The following CHD5 variants were observed in gnomAD, a reference collection of about 807,000 sequenced individuals.
CHD5 encodes ATP-dependent chromatin remodeler CHD5.
In CHD5, 69 loss-of-function variants were observed where a neutral mutation model predicts 230.3. The observed-to-expected ratio is 0.30, with a 90% CI of 0.25 to 0.37. The LOEUF is 0.37. CHD5 is among the 10% of genes least tolerant of loss of function. The probability of loss-of-function intolerance (pLI) is 1.00; values close to 1 mark genes in which losing one functional copy is unlikely to be tolerated. For synonymous variants in CHD5, 1,064 were observed against 1,065.9 expected (o/e 1.00, Z 0.03); for missense variants, 1,827 against 2,622.8 (o/e 0.70, Z 6.63).
At chr1:6,165,473 G>A (rs1290923375) in intron 2 of CHD5, among the ~76,000 whole-genome samples, 1 of 152,200 alleles carries the variant, frequency 6.6e-6, no homozygotes, top group Non-Finnish European at 1.5e-5. Context: ...CTAAGTCAGA[G>A]GAGGTGGGCA....
Position 6,131,662 on chromosome 1 carries a change from G to A in CHD5, c.3231C>T (p.Gly1077=). 6.2e-7 allele frequency: 1 copy of A among 1,611,844 alleles called. No individual in the cohort carries two copies. The highest frequency in any genetic ancestry group is 8.5e-7 in the Non-Finnish European group (1 of 1,178,004). Reference sequence around the variant, plus strand: ...ATCTGTCGATTGCCTCCTGCCGGAGGCCCCCGGTGATGCCACCATCAATCC... The same window carrying A: ...ATCTGTCGATTGCCTCCTGCCGGAGACCCCCGGTGATGCCACCATCAATCC... ...YERIDGGITG[G]LRQEAIDRFN... The change falls in exon 21 of 42, where the codon GGC becomes GGT. Residue 1077 remains glycine, a synonymous_variant. Transcript: ENST00000262450. This position sits in a 1 kb window ranked among gnomAD's most constrained non-coding sequence, Gnocchi z 5.0.
Position 6,126,969 on chromosome 1 carries a change from C to T in CHD5, c.3904-223G>A. On this transcript the variant is annotated intron_variant, in intron 25 of 41. Transcript: ENST00000262450. The surrounding 1 kb of genome is among the most constrained non-coding windows in gnomAD (Gnocchi z 5.7). ...ATTTACTTATTCATCCATCCATTCACAAAGCAAGTATTTCCTCGCCTCCTG... is the reference window on the plus strand; with the variant it reads ...ATTTACTTATTCATCCATCCATTCATAAAGCAAGTATTTCCTCGCCTCCTG... The T allele has an allele frequency of 1.7e-6, 1 of 581,570 alleles. No homozygotes were observed. Among genetic ancestry groups the T allele is most frequent in the South Asian group, 2.1e-5 (1 of 48,472 alleles). 36.0% of individuals were successfully genotyped at this position (581,570 alleles called of 1,614,324 possible). A position where few individuals can be genotyped will look rare whatever the true frequency, so the allele number is the denominator to read the frequency against.
Position 6,125,315 on chromosome 1 carries a change from A to T in CHD5, c.4261-82T>A. 7.2e-7 allele frequency: 1 copy of T among 1,395,634 alleles called. No homozygotes were observed. The highest frequency in any genetic ancestry group is 9.7e-7 in the Non-Finnish European group (1 of 1,028,210). The allele number at this position is 1,395,634 out of a possible 1,614,324, so 86.5% of individuals were successfully genotyped here. On this transcript the variant is annotated intron_variant, in intron 28 of 41. Transcript: ENST00000262450. The surrounding 1 kb of genome is among the most constrained non-coding windows in gnomAD (Gnocchi z 6.7). Reference sequence around the variant, plus strand: ...GATTCTGGGATGGGGGAAGAAAAGCATGGGAGGAGGAGAAGGTAGGAAGGG... The same window carrying T: ...GATTCTGGGATGGGGGAAGAAAAGCTTGGGAGGAGGAGAAGGTAGGAAGGG...
chr1:6,142,604 GGCT>G lies in CHD5; in HGVS notation c.2044-2_2044del, dbSNP rs1557550724. 1 of 1,609,774 alleles carries G rather than the reference GGCT, an allele frequency of 6.2e-7. No homozygotes were observed. The highest frequency in any genetic ancestry group is 8.5e-7 in the Non-Finnish European group (1 of 1,177,788). ...TGGCTGCTTGTCGAACTTGACCGTGGGCTGCAGGGGAGGCAGCGGTTCAGACAC... is the reference window on the plus strand; with the variant it reads ...TGGCTGCTTGTCGAACTTGACCGTGGGCAGGGGAGGCAGCGGTTCAGACAC... On this transcript the variant is annotated splice_acceptor_variant and coding_sequence_variant, in exon 14 of 42. Coordinates refer to ENST00000262450, the MANE Select transcript of CHD5 (RefSeq NM_015557.3). LOFTEE classifies it high-confidence loss of function. This position sits in a 1 kb window ranked among gnomAD's most constrained non-coding sequence, Gnocchi z 5.2.
At position 6,128,454 on chromosome 1, in the gene CHD5, A is replaced by C. The variant is rs1260889935; in HGVS notation, c.3730+45T>G. 1.4e-6 allele frequency: 2 copies of C among 1,480,800 alleles called. No individual in the cohort carries two copies. The highest frequency in any genetic ancestry group is 1.9e-6 in the Non-Finnish European group (2 of 1,062,298). 91.7% of individuals were successfully genotyped at this position (1,480,800 alleles called of 1,614,324 possible). A position where few individuals can be genotyped will look rare whatever the true frequency, so the allele number is the denominator to read the frequency against. On this transcript the variant is annotated intron_variant, in intron 24 of 41. Coordinates refer to ENST00000262450, the MANE Select transcript of CHD5 (RefSeq NM_015557.3). This position sits in a 1 kb window ranked among gnomAD's most constrained non-coding sequence, Gnocchi z 7.8. The stretch of plus-strand genomic sequence containing the variant: ...GAACCCCTCCTCTGCAGGAGCAGCC[A>C]CCTGGTCGGAGGAGGAGCTGAGGCT...
Position 6,176,052 on chromosome 1 carries a change from T to C in CHD5, c.79+3893A>G, listed in dbSNP as rs75827541. 6.9e-3 allele frequency among the ~76,000 whole-genome samples: 1,050 copies of C among 152,212 alleles called. 12 individuals carry two copies. The highest frequency in any genetic ancestry group is 0.023 in the African/African-American group (957 of 41,506). ...GCGACTGAATGAACTGATAAAATGA[T>C]AGATGGATCCTATTACCTGATCAAC... On this transcript the variant is annotated intron_variant, in intron 1 of 41. Coordinates refer to ENST00000262450, the MANE Select transcript of CHD5 (RefSeq NM_015557.3).
chr1:6,106,695 A>AC lies in CHD5; in HGVS notation c.5662dup (p.Val1888GlyfsTer116). 1 of 1,611,690 alleles carries AC rather than the reference A, an allele frequency of 6.2e-7. No homozygotes were observed. The highest frequency in any genetic ancestry group is 8.5e-7 in the Non-Finnish European group (1 of 1,179,678). ...CTCCGACATCTGCAGCCGGGCGGCC[A>AC]CCGGGGGGATGCGGGACAGCATGGA... On this transcript the variant is annotated frameshift_variant, in exon 39 of 42. Coordinates refer to ENST00000262450, the MANE Select transcript of CHD5 (RefSeq NM_015557.3). LOFTEE classifies it high-confidence loss of function.
In CHD5 at chr1:6,128,003, T is replaced by C; in HGVS notation, c.3903+43A>G. ...ACACAGTGGGGGGCGGGGCTGCGGA[T>C]GGAGGGCGGGGCTGCGGATGGAGGG... On this transcript the variant is annotated intron_variant, in intron 25 of 41. Transcript: ENST00000262450. The surrounding 1 kb of genome is among the most constrained non-coding windows in gnomAD (Gnocchi z 7.8). 8.1e-7 allele frequency: 1 copy of C among 1,232,278 alleles called. No homozygotes were observed. Among genetic ancestry groups the C allele is most frequent in the Non-Finnish European group, 1.1e-6 (1 of 952,036 alleles). The allele number at this position is 1,232,278 out of a possible 1,614,324, so 76.3% of individuals were successfully genotyped here.
At position 6,131,568 on chromosome 1, in the gene CHD5, C is replaced by A. The variant is rs1054984965; in HGVS notation, c.3262+63G>T. Reference sequence around the variant, plus strand: ...CCAGCTGGGTGACCTGGCTAAGAACCAGGCCTGGGAGAAGAGGCCAAAAAG... The same window carrying A: ...CCAGCTGGGTGACCTGGCTAAGAACAAGGCCTGGGAGAAGAGGCCAAAAAG... On this transcript the variant is annotated intron_variant, in intron 21 of 41. Transcript: ENST00000262450. This position sits in a 1 kb window ranked among gnomAD's most constrained non-coding sequence, Gnocchi z 5.0. The A allele has an allele frequency of 1.5e-5, 15 of 970,234 alleles. No individual in the cohort carries two copies. In the African/African-American group the frequency reaches 2.1e-4, roughly 13 times the overall value. The allele number at this position is 970,234 out of a possible 1,614,324, so 60.1% of individuals were successfully genotyped here.
chr1:6,153,464 A>G (rs1177905856), intron 5 of CHD5, among the ~76,000 whole-genome samples: 1 of 152,210 alleles, frequency 6.6e-6, no homozygotes, highest in African/African-American at 2.4e-5. Flanking sequence ...TGCCAGACAC[A>G]GAACCCCAGA....
chr1:6,159,798 C>G lies in CHD5; in HGVS notation c.208-283G>C, dbSNP rs186773742. On this transcript the variant is annotated intron_variant, in intron 2 of 41. Coordinates refer to ENST00000262450, the MANE Select transcript of CHD5 (RefSeq NM_015557.3). ...GAGGTGAGGCTCTCGTGAGAGCAGG[C>G]TTCTCCATCTGCAAGCTCGGCTCAG... 3.9e-3 allele frequency among the ~76,000 whole-genome samples: 591 copies of G among 152,368 alleles called. 6 individuals are homozygous for G. The highest frequency in any genetic ancestry group is 0.013 in the African/African-American group (544 of 41,586).
chr1:6,152,403 C>T lies in CHD5; in HGVS notation c.870+9G>A. 6.2e-7 allele frequency: 1 copy of T among 1,612,168 alleles called. No individual in the cohort carries two copies. The highest frequency in any genetic ancestry group is 8.5e-7 in the Non-Finnish European group (1 of 1,179,056). Reference sequence around the variant, plus strand: ...ATGCACACACACGCGCACACACGCACACACTCACCGAGGAGCCTTTCTTCC... The same window carrying T: ...ATGCACACACACGCGCACACACGCATACACTCACCGAGGAGCCTTTCTTCC... On this transcript the variant is annotated intron_variant, in intron 6 of 41. Coordinates refer to ENST00000262450, the MANE Select transcript of CHD5 (RefSeq NM_015557.3).
At chr1:6,163,533 T>G (rs1044762318) in intron 2 of CHD5, among the ~76,000 whole-genome samples, 12 of 152,204 alleles carry the variant, frequency 7.9e-5, no homozygotes, top group Admixed American at 6.5e-4. Context: ...GTGGTGTTTT[T>G]CCAAAATCTC....
chr1:6,112,961 C>T lies in CHD5; in HGVS notation c.4950G>A (p.Lys1650=), dbSNP rs757765090. The T allele has an allele frequency of 4.3e-6, 7 of 1,613,922 alleles. No individual in the cohort carries two copies. The highest frequency in any genetic ancestry group is 5.9e-6 in the Non-Finnish European group (7 of 1,179,948). Residue 1650 remains lysine, a synonymous_variant, in exon 34 of 42, where the codon AAG becomes AAA. Transcript: ENST00000262450. ...TGCTGTGGATCAAGCTCAGCTCCAG[C>T]TTGTCCAGGATCTTCTCCTTCTCAG... is the stretch of plus-strand genomic sequence containing the variant. ...VLPEKEKILD[K]LELSLIHSRG...
Position 6,121,491 on chromosome 1 carries a change from C to T in CHD5, c.4779+3G>A. The T allele has an allele frequency of 2.5e-6, 4 of 1,610,810 alleles. No individual in the cohort carries two copies. Among genetic ancestry groups the T allele is most frequent in the African/African-American group, 1.3e-5 (1 of 75,044 alleles). On this transcript the variant is annotated splice_donor_region_variant and intron_variant, in intron 32 of 41. Coordinates refer to ENST00000262450, the MANE Select transcript of CHD5 (RefSeq NM_015557.3). This position sits in a 1 kb window ranked among gnomAD's most constrained non-coding sequence, Gnocchi z 4.5. ...CAGGCCCAGACGCCAGCAAGTTCCA[C>T]ACCTGGACTTCCAGGGGCTGCCTTG... is the stretch of plus-strand genomic sequence containing the variant.
intron 1 of CHD5, among the ~76,000 whole-genome samples, chr1:6,177,611 C>T (rs1379435034): frequency 6.6e-6 from 1 of 152,084 alleles, no homozygotes; most frequent in East Asian, 1.9e-4. Context: ...GCTTGGGCAA[C>T]ACAGCAAGAC....
At chr1:6,147,448 G>A (rs1426490882) in intron 9 of CHD5, among the ~76,000 whole-genome samples, 1 of 152,236 alleles carries the variant, frequency 6.6e-6, no homozygotes, top group African/African-American at 2.4e-5. Flanking sequence ...CAGACACACT[G>A]CAGGGGCCCT....
rs535572731 is a variant in CHD5 at position 6,116,240 on chromosome 1, A to AAT, written c.4913-3244_4913-3243dup. Among the ~76,000 whole-genome samples the AAT allele has an allele frequency of 1.7e-3, 255 of 151,368 alleles. 4 individuals carry two copies. In the South Asian group the frequency reaches 0.031, roughly 18 times the overall value. Reference sequence around the variant, plus strand: ...AGCATCTGACACTCAGCAGGCTCAAAATATATATATATATGCATGTGTGTA... The same window carrying AAT: ...AGCATCTGACACTCAGCAGGCTCAAAATATATATATATATATGCATGTGTGTA... On this transcript the variant is annotated intron_variant, in intron 33 of 41. Transcript: ENST00000262450.
Position 6,129,195 on chromosome 1 carries a change from G to A in CHD5, c.3388-126C>T, listed in dbSNP as rs371463949. 9.0e-6 allele frequency: 6 copies of A among 666,662 alleles called. No individual in the cohort carries two copies. The highest frequency in any genetic ancestry group is 1.3e-5 in the Non-Finnish European group (5 of 386,512). 41.3% of individuals were successfully genotyped at this position (666,662 alleles called of 1,614,324 possible). ...CTGTGTAGGGAAAGGCGTGTGGTGC[G>A]TCCAGGTGTGTGGAGCCCACCACTG... On this transcript the variant is annotated intron_variant, in intron 22 of 41. Coordinates refer to ENST00000262450, the MANE Select transcript of CHD5 (RefSeq NM_015557.3). The surrounding 1 kb of genome is among the most constrained non-coding windows in gnomAD (Gnocchi z 6.8).
Sources: gnomAD v4.1 joint callset for allele counts (sites outside exome capture counted in the v4.1 genomes callset) on GRCh38, gnomAD v4.1.1 for gene constraint, Gnocchi (gnomAD v3.1) non-coding constraint, MANE v1.5 for transcripts, NCBI Gene and HGNC (gene_info 2026-07-23, HGNC 2026-07-21) for gene names.